KIAA0586: variants seen among roughly 807,000 people sequenced by gnomAD.
KIAA0586 encodes the protein KIAA0586.
A neutral mutation model predicts 169.8 loss-of-function variants in KIAA0586; 144 were observed. The observed-to-expected ratio is 0.85, with a 90% CI of 0.74 to 0.97. The LOEUF is 0.97. Among genes scored for constraint, KIAA0586 ranks in the 50% least tolerant of loss-of-function variants. KIAA0586 has a pLI of 0.00. For synonymous variants in KIAA0586, 625 were observed against 612.4 expected, an observed-to-expected ratio of 1.02 and a Z score of -0.30; for missense variants, 1,854 against 1,823.0, an observed-to-expected ratio of 1.02 and a Z score of -0.31.
At chr14:58,527,673 ACC>A (rs930629186) in intron 29 of KIAA0586, among the ~76,000 whole-genome samples, 1 of 152,236 alleles carries the variant, frequency 6.6e-6, no homozygotes, top group African/African-American at 2.4e-5. Flanking sequence ...TTTTGTCACC[ACC>A]AGGCTTGCCT....
chr14:58,443,547 C>G (rs931670453), intron 5 of KIAA0586, among the ~76,000 whole-genome samples: 3 of 152,070 alleles, frequency 2.0e-5, no homozygotes, highest in South Asian at 4.1e-4. Flanking sequence ...CTCAGCCTCC[C>G]GAGTAGCTGG....
At chr14:58,499,708 G>A (rs1703435410) in intron 27 of KIAA0586, among the ~76,000 whole-genome samples, 1 of 151,932 alleles carries the variant, frequency 6.6e-6, no homozygotes, top group African/African-American at 2.4e-5. Flanking sequence ...ACAGGCGCCT[G>A]CCACCATGCC....
At chr14:58,468,044 T>A (rs547518417) in intron 16 of KIAA0586, 122 bp downstream of exon 16, 71 of 619,962 alleles carry the variant, frequency 1.1e-4, no homozygotes, top group South Asian at 3.1e-4. Context: ...CTCTTTTTTT[T>A]AAATTTATTT....
rs2047146878 is a variant in KIAA0586 at position 58,549,328 on chromosome 14, C to T, written c.*1396C>T. ...CAATTTAATTGATCTTGGATGGGGT[C>T]CAGCATTGGTATTAAAAAAAAAAAA... is the stretch of plus-strand genomic sequence containing the variant. On this transcript the variant is annotated 3_prime_UTR_variant, in exon 31 of 31. Transcript: ENST00000652326. 1 of 150,676 alleles carries T rather than the reference C, an allele frequency of 6.6e-6. No individual in the cohort carries two copies. Among genetic ancestry groups the T allele is most frequent in the Non-Finnish European group, 1.5e-5 (1 of 67,830 alleles). 9.3% of individuals were successfully genotyped at this position (150,676 alleles called of 1,614,324 possible).
chr14:58,457,709 A>T, intron 10 of KIAA0586, 50 bp from the exon 11 acceptor site: 1 of 1,187,340 alleles, frequency 8.4e-7, no homozygotes, highest in Non-Finnish European at 1.2e-6. Flanking sequence ...TATTTTGATT[A>T]AAGGAATCGT....
At chr14:58,531,099 C>T (rs2045932378) in intron 29 of KIAA0586, among the ~76,000 whole-genome samples, 1 of 150,834 alleles carries the variant, frequency 6.6e-6, no homozygotes, top group Non-Finnish European at 1.5e-5. Context: ...AGGTGGATCA[C>T]GAGGTCAGGA....
At chr14:58,483,477 C>A (rs2042171988) in intron 21 of KIAA0586, among the ~76,000 whole-genome samples, 1 of 151,968 alleles carries the variant, frequency 6.6e-6, no homozygotes, top group Admixed American at 6.6e-5. Context: ...ATTATCACAC[C>A]CCCCCAGATT....
chr14:58,552,825 T>C (rs573639249), downstream of KIAA0586, among the ~76,000 whole-genome samples: 1 of 152,308 alleles, frequency 6.6e-6, no homozygotes, highest in African/African-American at 2.4e-5. Flanking sequence ...AATTAATATA[T>C]ATGTAAAGAG....
chr14:58,454,845 T>C (rs1191424744), intron 9 of KIAA0586, among the ~76,000 whole-genome samples: 2 of 152,176 alleles, frequency 1.3e-5, no homozygotes, highest in Admixed American at 6.6e-5. Flanking sequence ...CCTTCACTTT[T>C]GAACAATAAT....
intron 27 of KIAA0586, among the ~76,000 whole-genome samples, chr14:58,501,569 C>T (rs1387303920): frequency 2.0e-5 from 3 of 151,360 alleles, no homozygotes; most frequent in Admixed American, 2.0e-4. Context: ...AGCAGATTAC[C>T]TATAGTACAG....
chr14:58,453,036 G>A (rs2039529698), intron 8 of KIAA0586, among the ~76,000 whole-genome samples: 1 of 151,748 alleles, frequency 6.6e-6, no homozygotes, highest in African/African-American at 2.4e-5. Context: ...TCCTGCCTCA[G>A]CCTCCCAAGC....
At chr14:58,490,323 C>G in intron 25 of KIAA0586, 83 bp downstream of exon 25, 1 of 692,338 alleles carries the variant, frequency 1.4e-6, no homozygotes, top group Non-Finnish European at 2.3e-6. Context: ...GGTTTTTTCT[C>G]AATTTTTTGA....
chr14:58,507,867 C>T (rs1292145161), intron 27 of KIAA0586, among the ~76,000 whole-genome samples: 1 of 152,056 alleles, frequency 6.6e-6, no homozygotes, highest in Non-Finnish European at 1.5e-5. Context: ...TCAGTGCAAC[C>T]TCCGCCTCCT....
chr14:58,533,682 G>A (rs1424152933), intron 29 of KIAA0586, among the ~76,000 whole-genome samples: 1 of 152,130 alleles, frequency 6.6e-6, no homozygotes, highest in East Asian at 1.9e-4. Context: ...CTGCTGCGAT[G>A]GCCTTGCTGG....
At chr14:58,501,018 C>T (rs905585006) in intron 27 of KIAA0586, among the ~76,000 whole-genome samples, 1 of 152,012 alleles carries the variant, frequency 6.6e-6, no homozygotes, top group African/African-American at 2.4e-5. Flanking sequence ...TACGTTTTAG[C>T]GAGTAGATAA....
At chr14:58,483,682 A>T (rs1287509730) in intron 21 of KIAA0586, among the ~76,000 whole-genome samples, 1 of 152,136 alleles carries the variant, frequency 6.6e-6, no homozygotes, top group Non-Finnish European at 1.5e-5. Flanking sequence ...TTGCTTGTTT[A>T]ATCAACCTTA....
intron 27 of KIAA0586, among the ~76,000 whole-genome samples, chr14:58,507,769 C>CATTTATTTATTTATTT (rs34225443): frequency 4.7e-5 from 7 of 149,536 alleles, no homozygotes; most frequent in African/African-American, 1.7e-4. Context: ...ACTGAGGTGC[C>CATTTATTTATTTATTT]ATTTATTTAT....
chr14:58,465,990 A>T lies in KIAA0586; in HGVS notation c.2215A>T (p.Thr739Ser). 1 of 1,613,076 alleles carries T rather than the reference A, an allele frequency of 6.2e-7. No homozygotes were observed. Among genetic ancestry groups the T allele is most frequent in the Non-Finnish European group, 8.5e-7 (1 of 1,179,450 alleles). The change falls in exon 15 of 31, where the codon ACA becomes TCA. Residue 739 changes from threonine (T) to serine (S), a missense_variant. Transcript: ENST00000652326. ...PSREMPTFSG[T>S]LEGHLIPMAI... ...TAGAGAAATGCCTACTTTTTCAGGT[A>T]CATTGGAAGGTCATCTGATTCCTAT...
chr14:58,491,864 C>T (rs1241138143), intron 25 of KIAA0586, among the ~76,000 whole-genome samples: 2 of 152,220 alleles, frequency 1.3e-5, no homozygotes, highest in Admixed American at 6.5e-5. Flanking sequence ...TTCATAGTAG[C>T]TCAACTGTGT....
Sources: gnomAD v4.1 joint callset for allele counts (sites outside exome capture counted in the v4.1 genomes callset) on GRCh38, gnomAD v4.1.1 for gene constraint, MANE v1.5 for transcripts, NCBI Gene and HGNC (gene_info 2026-07-23, HGNC 2026-07-21) for gene names.